The following CRY1 variants were observed in gnomAD, a reference collection of about 807,000 sequenced individuals.
CRY1 encodes cryptochrome-1.
CRY1 carries 45 observed loss-of-function variants against 76.0 expected under a neutral mutation model. That is an observed-to-expected ratio of 0.59 (90% CI 0.47 to 0.76). The LOEUF is 0.76. Among genes scored for constraint, CRY1 ranks in the 30% least tolerant of loss-of-function variants. The pLI is 0.00. For synonymous variants in CRY1, 248 were observed against 244.0 expected (o/e 1.02, Z -0.15); for missense variants, 587 against 716.4 (o/e 0.82, Z 2.06).
At chr12:107,054,854 CCTTCA>C (rs1952965482) in intron 1 of CRY1, among the ~76,000 whole-genome samples, 3 of 151,968 alleles carry the variant, frequency 2.0e-5, no homozygotes, top group African/African-American at 4.8e-5. Context: ...AGAACAAAAG[CCTTCA>C]CTTCACCAGG....
In CRY1 at chr12:106,997,529, A is replaced by G; in HGVS notation, c.1451T>C (p.Met484Thr). The G allele has an allele frequency of 6.2e-7, 1 of 1,614,130 alleles. No homozygotes were observed. The highest frequency in any genetic ancestry group is 1.1e-5 in the South Asian group (1 of 91,084). Residue 484 changes from methionine to threonine, a missense_variant, in exon 9 of 13, where the codon ATG becomes ACG. Transcript: ENST00000008527. ...TGAAAGCTGCTGATAGATCTGTTTCATCCTTTCGATATTCAAACGGCTTGC... is the reference window on the plus strand; with the variant it reads ...TGAAAGCTGCTGATAGATCTGTTTCGTCCTTTCGATATTCAAACGGCTTGC... ...AEASRLNIERMKQIYQQLSRY... is the reference protein window; with the variant it reads ...AEASRLNIERTKQIYQQLSRY...
intron 1 of CRY1, among the ~76,000 whole-genome samples, chr12:107,077,134 A>G (rs374880399): frequency 1.3e-5 from 2 of 151,640 alleles, no homozygotes; most frequent in African/African-American, 4.8e-5. Context: ...CATATCTCAC[A>G]CCCAGCACTC....
chr12:107,091,386 T>C (rs1953470010), intron 1 of CRY1, among the ~76,000 whole-genome samples: 1 of 152,164 alleles, frequency 6.6e-6, no homozygotes, highest in South Asian at 2.1e-4. Flanking sequence ...ACCCTGTATT[T>C]TGCCTTCAGA....
At chr12:107,036,881 G>A (rs1178230910) in intron 1 of CRY1, among the ~76,000 whole-genome samples, 1 of 151,932 alleles carries the variant, frequency 6.6e-6, no homozygotes, top group African/African-American at 2.4e-5. Context: ...GGCTCTCTCT[G>A]ACCATCTTAT....
chr12:107,088,533 T>G (rs958082952), intron 1 of CRY1, among the ~76,000 whole-genome samples: 1 of 152,222 alleles, frequency 6.6e-6, no homozygotes. Context: ...GTTTACCCCT[T>G]CTGCCATGTG....
Position 107,080,789 on chromosome 12 carries a change from T to C in CRY1, c.158+12015A>G, listed in dbSNP as rs185885627. Among the ~76,000 whole-genome samples the C allele has an allele frequency of 4.6e-5, 7 of 152,014 alleles. No homozygotes were observed. The East Asian group carries it at 9.6e-4, about 21-fold the overall frequency. On this transcript the variant is annotated intron_variant, in intron 1 of 12. Coordinates refer to ENST00000008527, the MANE Select transcript of CRY1 (RefSeq NM_004075.5). ...AGTTTGGATTGGGTTCAAGGGTAAG[T>C]AGAATATAAAGAAATGAAGTCAGCC...
intron 2 of CRY1, among the ~76,000 whole-genome samples, chr12:107,015,979 T>C (rs1952493793): frequency 6.6e-6 from 1 of 152,246 alleles, no homozygotes; most frequent in Non-Finnish European, 1.5e-5. Context: ...CACAATTACT[T>C]GTTAATCAGA....
chr12:107,047,066 G>T (rs952185093), intron 1 of CRY1, among the ~76,000 whole-genome samples: 1 of 152,188 alleles, frequency 6.6e-6, no homozygotes, highest in Non-Finnish European at 1.5e-5. Context: ...CACAGTTGTA[G>T]AATACACATT....
intron 12 of CRY1, 32 bp downstream of exon 12, chr12:106,992,755 T>C (rs17038934): frequency 0.019 from 29,162 of 1,550,320 alleles, 365 homozygotes; most frequent in Non-Finnish European, 0.023. Flanking sequence ...TATACTCTTC[T>C]AAAGCAAGAA....
intron 2 of CRY1, among the ~76,000 whole-genome samples, chr12:107,010,131 A>T (rs1593500153): frequency 5.9e-5 from 4 of 67,244 alleles, no homozygotes; most frequent in East Asian, 3.0e-3. Flanking sequence ...CTTTCAAGAA[A>T]TTTTTTCATC....
chr12:107,021,410 T>G (rs2136844101), intron 2 of CRY1, among the ~76,000 whole-genome samples: 1 of 152,310 alleles, frequency 6.6e-6, no homozygotes, highest in East Asian at 1.9e-4. Context: ...TGAGCAAAGA[T>G]TCATAAATGT....
At chr12:107,064,285 A>T (rs1387945431) in intron 1 of CRY1, among the ~76,000 whole-genome samples, 1 of 152,238 alleles carries the variant, frequency 6.6e-6, no homozygotes, top group Non-Finnish European at 1.5e-5. Context: ...AATCAACCCA[A>T]TAAAAAATTA....
At chr12:106,992,689 G>T in intron 12 of CRY1, 98 bp downstream of exon 12, 1 of 1,114,742 alleles carries the variant, frequency 9.0e-7, no homozygotes, top group Non-Finnish European at 1.3e-6. Flanking sequence ...AAGATTTTCT[G>T]GTTTGAAAAT....
At chr12:106,999,050 A>G (rs1013048340) in intron 7 of CRY1, among the ~76,000 whole-genome samples, 6 of 151,822 alleles carry the variant, frequency 4.0e-5, no homozygotes, top group Non-Finnish European at 7.4e-5. Context: ...TCTCAAAAAA[A>G]AAAAAAAAAA....
rs916148272 is a variant in CRY1 at position 106,991,784 on chromosome 12, T to C, written c.*218A>G. 6.6e-6 allele frequency: 1 copy of C among 152,638 alleles called. No individual in the cohort carries two copies. Among genetic ancestry groups the C allele is most frequent in the Non-Finnish European group, 1.5e-5 (1 of 68,008 alleles). The allele number at this position is 152,638 out of a possible 1,614,324, so 9.5% of individuals were successfully genotyped here. A position where few individuals can be genotyped will look rare whatever the true frequency, so the allele number is the denominator to read the frequency against. On this transcript the variant is annotated 3_prime_UTR_variant, in exon 13 of 13. Coordinates refer to ENST00000008527, the MANE Select transcript of CRY1 (RefSeq NM_004075.5). ...CTAATTGTGACTGTTTATATTTACA[T>C]TAAGCAAATTCTCTTGCCAAGTTCT... is the stretch of plus-strand genomic sequence containing the variant.
At chr12:107,064,222 G>GAGACAATATCCAGAAT (rs1250725104) in intron 1 of CRY1, among the ~76,000 whole-genome samples, 50 of 152,182 alleles carry the variant, frequency 3.3e-4, no homozygotes, top group Non-Finnish European at 4.4e-4. Context: ...TAGGCAAAGA[G>GAGACAATATCCAGAAT]AGACAATATC....
chr12:106,992,881 G>A lies in CRY1; in HGVS notation c.1667C>T (p.Ser556Phe). The change falls in exon 12 of 13, where the codon TCC becomes TTC. Residue 556 changes from serine (S) to phenylalanine (F), a missense_variant. Physicochemically the swap from Ser to Phe is radical, Grantham distance 155. Transcript: ENST00000008527. Reference protein sequence around the residue: ...QTHLLKQGRSSMGTGLSGGKR... With the variant: ...QTHLLKQGRSFMGTGLSGGKR... ...CCCACCACTGAGACCAGTGCCCATG[G>A]AGCTTCTTCCTGCACATTTAAAAAA... 6.2e-7 allele frequency: 1 copy of A among 1,613,914 alleles called. No homozygotes were observed. The highest frequency in any genetic ancestry group is 8.5e-7 in the Non-Finnish European group (1 of 1,179,928).
At chr12:106,992,317 A>T (rs965551378) in intron 12 of CRY1, 5 of 152,570 alleles carry the variant, frequency 3.3e-5, no homozygotes, top group African/African-American at 7.2e-5. Context: ...ATTTTAAAAA[A>T]TTTTGAACTA....
intron 1 of CRY1, among the ~76,000 whole-genome samples, chr12:107,033,985 C>A (rs1335138858): frequency 6.6e-6 from 1 of 151,290 alleles, no homozygotes; most frequent in African/African-American, 2.4e-5. Flanking sequence ...TTAAATAGGG[C>A]CTTGGTAAAA....
Sources: allele counts gnomAD v4.1 joint callset (sites outside exome capture counted in the v4.1 genomes callset), GRCh38; gene constraint gnomAD v4.1.1; transcripts MANE v1.5; gene names NCBI Gene and HGNC (gene_info 2026-07-23, HGNC 2026-07-21).